Variants in CCDC39 observed in about 807,000 individuals in gnomAD.
CCDC39 encodes the protein coiled-coil domain 39 molecular ruler complex subunit.
CCDC39 carries 113 observed loss-of-function variants against 121.0 expected under a neutral mutation model. The observed-to-expected ratio is 0.93, with a 90% CI of 0.80 to 1.09. The LOEUF (loss-of-function observed/expected upper bound fraction) is 1.09. Among genes scored for constraint, CCDC39 ranks in the 50% least tolerant of loss-of-function variants. The pLI is 0.00. For missense variants in CCDC39, 1,063 were observed against 1,074.7 expected, an observed-to-expected ratio of 0.99 and a Z score of 0.15; for synonymous variants, 349 against 352.2, an observed-to-expected ratio of 0.99 and a Z score of 0.10.
At chr3:180,677,214 A>ATATT (rs1553807786) in intron 1 of CCDC39, among the ~76,000 whole-genome samples, 3 of 118,458 alleles carry the variant, frequency 2.5e-5, no homozygotes, top group African/African-American at 9.3e-5. Flanking sequence ...ATATATATAT[A>ATATT]TAAAATCACA....
chr3:180,667,614 T>C (rs1253414408), intron 1 of CCDC39, among the ~76,000 whole-genome samples: 3 of 152,204 alleles, frequency 2.0e-5, no homozygotes, highest in Non-Finnish European at 4.4e-5. Context: ...AAATGTTGTA[T>C]CTGTTCTGAC....
intron 15 of CCDC39, 56 bp from the exon 16 acceptor site, chr3:180,619,421 T>G: frequency 1.2e-6 from 1 of 863,812 alleles, no homozygotes; most frequent in Non-Finnish European, 1.8e-6. Flanking sequence ...AGAAATCAAT[T>G]TTAAAGTATT....
At chr3:180,670,121 G>A (rs1218776525) in intron 1 of CCDC39, among the ~76,000 whole-genome samples, 2 of 151,934 alleles carry the variant, frequency 1.3e-5, no homozygotes, top group Non-Finnish European at 2.9e-5. Flanking sequence ...CTAATGCAGA[G>A]GAACAGTAAA....
In CCDC39 at chr3:180,614,810, TACC is replaced by T. The variant is rs1210434694; in HGVS notation, c.*108_*110del. On this transcript the variant is annotated 3_prime_UTR_variant, in exon 20 of 20. Coordinates refer to ENST00000476379, the MANE Select transcript of CCDC39 (RefSeq NM_181426.2). ...TTTTAAAACTATCAGTTTTTACACTTACCACTAAGTTTTTACACTTTCCACTAG... is the reference window on the plus strand; with the variant it reads ...TTTTAAAACTATCAGTTTTTACACTTACTAAGTTTTTACACTTTCCACTAG... The T allele has an allele frequency of 8.6e-6, 8 of 932,134 alleles. No homozygotes were observed. Among genetic ancestry groups the T allele is most frequent in the Non-Finnish European group, 1.1e-5 (7 of 641,958 alleles). 57.7% of individuals were successfully genotyped at this position (932,134 alleles called of 1,614,324 possible).
In CCDC39 at chr3:180,679,221, G is replaced by T; in HGVS notation, c.90+70C>A. ...GGAGAGAAATAAAAGGGCTGGGGTA[G>T]TACTGCCAACCAGAAAACGCCCCCA... On this transcript the variant is annotated intron_variant, in intron 1 of 19. Coordinates refer to ENST00000476379, the MANE Select transcript of CCDC39 (RefSeq NM_181426.2). The surrounding 1 kb of genome is among the most constrained non-coding windows in gnomAD (Gnocchi z 4.0). 2 of 1,149,316 alleles carry T rather than the reference G, an allele frequency of 1.7e-6. No individual in the cohort carries two copies. The highest frequency in any genetic ancestry group is 1.3e-6 in the Non-Finnish European group (1 of 755,478). The allele number at this position is 1,149,316 out of a possible 1,614,324, so 71.2% of individuals were successfully genotyped here.
intron 16 of CCDC39, among the ~76,000 whole-genome samples, chr3:180,618,408 CT>C (rs886685437): frequency 6.7e-5 from 10 of 148,386 alleles, no homozygotes; most frequent in African/African-American, 1.5e-4. Context: ...TTACAAGGCA[CT>C]TTTTTTTTTA....
intron 1 of CCDC39, among the ~76,000 whole-genome samples, chr3:180,676,250 C>T (rs1712200351): frequency 6.6e-6 from 1 of 152,162 alleles, no homozygotes; most frequent in South Asian, 2.1e-4. Flanking sequence ...ACTCATCTGA[C>T]AAAGGGCTAA....
rs770888279 is a variant in CCDC39 at position 180,619,909 on chromosome 3, T to A, written c.2060A>T (p.Lys687Ile). ...EGDCLDAKINKAEKEIYALEN... is the reference protein window; with the variant it reads ...EGDCLDAKINIAEKEIYALEN... ...TAGAGCGTAGATTTCTTTTTCAGCT[T>A]TGTTGATCTTGGCATCCAAACAGTC... Residue 687 changes from lysine (K) to isoleucine (I), a missense_variant, in exon 15 of 20, where the codon AAA (lysine) becomes ATA (isoleucine). Coordinates refer to ENST00000476379, the MANE Select transcript of CCDC39 (RefSeq NM_181426.2). The A allele has an allele frequency of 6.2e-7, 1 of 1,610,522 alleles. No homozygotes were observed.
chr3:180,661,579 A>G (rs1711742416), intron 3 of CCDC39, among the ~76,000 whole-genome samples: 1 of 152,136 alleles, frequency 6.6e-6, no homozygotes, highest in Admixed American at 6.5e-5. Context: ...ACTTACATAT[A>G]AACCACGCCT....
chr3:180,628,924 G>A (rs1717629086), intron 14 of CCDC39, among the ~76,000 whole-genome samples: 1 of 152,088 alleles, frequency 6.6e-6, no homozygotes, highest in Admixed American at 6.5e-5. Flanking sequence ...AAGAATAAGG[G>A]AAGGGAAAAA....
At chr3:180,665,214 T>C (rs1419426464) in intron 1 of CCDC39, among the ~76,000 whole-genome samples, 2 of 152,218 alleles carry the variant, frequency 1.3e-5, no homozygotes, top group Non-Finnish European at 2.9e-5. Flanking sequence ...TTAATGTATT[T>C]TGTTTACCTT....
Position 180,662,000 on chromosome 3 carries a change from C to T in CCDC39, c.218G>A (p.Cys73Tyr). ...KQELSITQSLCKARERETESE... is the reference protein window; with the variant it reads ...KQELSITQSLYKARERETESE... ...TTCAGTCTCACGCTCCCTTGCTTTG[C>T]AAAGAGACTACAGAATAACACACAA... Residue 73 changes from cysteine to tyrosine, a missense_variant, in exon 3 of 20, where the codon TGC becomes TAC. Cys to Tyr is a radical substitution (Grantham distance 194). Coordinates refer to ENST00000476379, the MANE Select transcript of CCDC39 (RefSeq NM_181426.2). 1.3e-6 allele frequency: 2 copies of T among 1,550,522 alleles called. No individual in the cohort carries two copies. The highest frequency in any genetic ancestry group is 1.7e-6 in the Non-Finnish European group (2 of 1,146,522).
chr3:180,642,628 T>G (rs1229150062), intron 12 of CCDC39, among the ~76,000 whole-genome samples: 8 of 152,164 alleles, frequency 5.3e-5, no homozygotes, highest in Non-Finnish European at 1.2e-4. Flanking sequence ...ATTTTCAGAA[T>G]AGAAACCCCA....
intron 7 of CCDC39, among the ~76,000 whole-genome samples, chr3:180,653,165 G>A (rs1171175207): frequency 6.6e-6 from 1 of 152,156 alleles, no homozygotes; most frequent in East Asian, 1.9e-4. Context: ...AGGCCATGAA[G>A]AGAGAGTTCT....
Position 180,615,028 on chromosome 3 carries a change from G to A in CCDC39, c.2719C>T (p.Leu907=), listed in dbSNP as rs1200935724. ...GAGGAGGCCGGGAATTTAAGCTCCA[G>A]TACTTTAATTGAAGACTGAGAAGTA... The part of the protein sequence containing the change: ...TSTSQSSIKV[L]ELKFPASSSL... Residue 907 remains leucine (L), a synonymous_variant, in exon 20 of 20, where the codon CTG becomes TTG. Coordinates refer to ENST00000476379, the MANE Select transcript of CCDC39 (RefSeq NM_181426.2). 1 of 1,557,232 alleles carries A rather than the reference G, an allele frequency of 6.4e-7. No individual in the cohort carries two copies. Among genetic ancestry groups the A allele is most frequent in the Admixed American group, 2.0e-5 (1 of 51,254 alleles).
chr3:180,671,098 C>T (rs77709391), intron 1 of CCDC39, among the ~76,000 whole-genome samples: 1 of 151,398 alleles, frequency 6.6e-6, no homozygotes, highest in Non-Finnish European at 1.5e-5. Context: ...TGTAATCCCA[C>T]CTACTTGCAG....
intron 1 of CCDC39, among the ~76,000 whole-genome samples, chr3:180,674,671 G>A (rs1316097351): frequency 6.6e-6 from 1 of 151,392 alleles, no homozygotes; most frequent in African/African-American, 2.4e-5. Flanking sequence ...CTAATTTATT[G>A]AGAATTTTTA....
intron 10 of CCDC39, 78 bp from the exon 11 acceptor site, chr3:180,647,321 TTTC>T (rs1305534560): frequency 3.9e-6 from 5 of 1,278,872 alleles, no homozygotes; most frequent in Non-Finnish European, 5.3e-6. Context: ...AAGTGAATAC[TTTC>T]TTATGACTTT....
Position 180,644,261 on chromosome 3 carries a change from CA to C in CCDC39, c.1528-5del. 1 of 1,480,612 alleles carries C rather than the reference CA, an allele frequency of 6.8e-7. No homozygotes were observed. Among genetic ancestry groups the C allele is most frequent in the Non-Finnish European group, 9.0e-7 (1 of 1,112,928 alleles). The allele number at this position is 1,480,612 out of a possible 1,614,324, so 91.7% of individuals were successfully genotyped here. On this transcript the variant is annotated splice_polypyrimidine_tract_variant and splice_region_variant and intron_variant, in intron 11 of 19. Transcript: ENST00000476379. The stretch of plus-strand genomic sequence containing the variant: ...TCTTGATAAAATAAAGATCATTCTG[CA>C]AAAAAGAAAAAAGGTATATAAATGT...
Sources: gnomAD v4.1 joint callset for allele counts (sites outside exome capture counted in the v4.1 genomes callset) on GRCh38, gnomAD v4.1.1 for gene constraint, Gnocchi (gnomAD v3.1) non-coding constraint, MANE v1.5 for transcripts, NCBI Gene and HGNC (gene_info 2026-07-23, HGNC 2026-07-21) for gene names.